The following IMPACT variants were observed in gnomAD, a reference collection of about 807,000 sequenced individuals.
IMPACT encodes the protein protein IMPACT.
A neutral mutation model predicts 47.5 loss-of-function variants in IMPACT; 35 were observed. The ratio of observed to expected loss-of-function variants is 0.74; its 90% confidence interval spans 0.56 to 0.98. The LOEUF (loss-of-function observed/expected upper bound fraction) is 0.98. Ranked by LOEUF, IMPACT falls within the 50% of genes least tolerant of loss-of-function variation. The pLI is 0.00. For missense variants in IMPACT, 373 were observed against 394.8 expected, an observed-to-expected ratio of 0.94 and a Z score of 0.47; for synonymous variants, 118 against 125.6, an observed-to-expected ratio of 0.94 and a Z score of 0.40.
At chr18:24,429,068 T>A in intron 3 of IMPACT, 147 bp downstream of exon 3, 1 of 515,372 alleles carries the variant, frequency 1.9e-6, no homozygotes, top group Non-Finnish European at 3.4e-6. Context: ...TATAGAGCAT[T>A]TAAATAAAAA....
At chr18:24,444,406 T>G (rs1322543354) in intron 7 of IMPACT, among the ~76,000 whole-genome samples, 1 of 152,224 alleles carries the variant, frequency 6.6e-6, no homozygotes, top group African/African-American at 2.4e-5. Flanking sequence ...TCCCCAACTC[T>G]AGCTCAGTCT....
intron 5 of IMPACT, among the ~76,000 whole-genome samples, chr18:24,440,019 C>T (rs1339244023): frequency 6.6e-6 from 1 of 152,068 alleles, no homozygotes; most frequent in Non-Finnish European, 1.5e-5. Flanking sequence ...TGGTGTTTGC[C>T]TGATGATGAT....
chr18:24,442,444 C>T (rs1428501476), intron 6 of IMPACT, among the ~76,000 whole-genome samples: 1 of 152,136 alleles, frequency 6.6e-6, no homozygotes, highest in African/African-American at 2.4e-5. Context: ...TGAGCCACCA[C>T]GCCCAGCCAT....
At chr18:24,441,076 C>G (rs679972) in intron 6 of IMPACT, among the ~76,000 whole-genome samples, 13 of 152,082 alleles carry the variant, frequency 8.5e-5, no homozygotes, top group African/African-American at 2.9e-4. Context: ...GACAAGGTCT[C>G]GCTGTGTTGC....
intron 7 of IMPACT, among the ~76,000 whole-genome samples, chr18:24,443,597 AAAG>A (rs1313521487): frequency 6.6e-6 from 1 of 152,206 alleles, no homozygotes; most frequent in African/African-American, 2.4e-5. Context: ...ACCTTGTCAA[AAAG>A]AATTATTTGT....
chr18:24,430,787 A>T (rs1908734833), intron 4 of IMPACT, among the ~76,000 whole-genome samples: 1 of 152,254 alleles, frequency 6.6e-6, no homozygotes. Context: ...AATGAAAAAA[A>T]CAAAAACACT....
At position 24,453,195 on chromosome 18, in the gene IMPACT, A is replaced by G. The variant is rs1829117201; in HGVS notation, c.*2348A>G. On this transcript the variant is annotated 3_prime_UTR_variant, in exon 11 of 11. Coordinates refer to ENST00000284202, the MANE Select transcript of IMPACT (RefSeq NM_018439.4). The stretch of plus-strand genomic sequence containing the variant: ...ATCAAAAGTATGCTTTGAGGTATAT[A>G]TAGTGAAACAGAGCCTTTCTGAAGA... 2.0e-5 allele frequency: 3 copies of G among 152,374 alleles called. 1 individual carries two copies. Among genetic ancestry groups the G allele is most frequent in the South Asian group, 4.1e-4 (2 of 4,832 alleles). 9.4% of individuals were successfully genotyped at this position (152,374 alleles called of 1,614,324 possible).
chr18:24,440,336 T>C (rs1449917811), intron 5 of IMPACT, among the ~76,000 whole-genome samples, 160 bp from the exon 6 acceptor site: 1 of 152,226 alleles, frequency 6.6e-6, no homozygotes, highest in African/African-American at 2.4e-5. Flanking sequence ...TCTTGTAGTT[T>C]CCTTGCTCCA....
chr18:24,430,286 T>C, intron 3 of IMPACT, 36 bp from the exon 4 acceptor site: 1 of 1,453,332 alleles, frequency 6.9e-7, no homozygotes. Flanking sequence ...AACATAATCC[T>C]TGAATAATCT....
At chr18:24,431,807 T>G (rs1399614391) in intron 4 of IMPACT, among the ~76,000 whole-genome samples, 1 of 152,114 alleles carries the variant, frequency 6.6e-6, no homozygotes, top group East Asian at 1.9e-4. Context: ...GTTCAAGCAG[T>G]TCTCCAGCCT....
intron 3 of IMPACT, among the ~76,000 whole-genome samples, chr18:24,429,243 G>C (rs1007407294): frequency 2.6e-5 from 4 of 152,080 alleles, no homozygotes; most frequent in South Asian, 4.1e-4. Flanking sequence ...TCCTAACCTA[G>C]ATCTCCTGAC....
At chr18:24,434,782 T>C (rs1191495785) in intron 4 of IMPACT, among the ~76,000 whole-genome samples, 1 of 107,804 alleles carries the variant, frequency 9.3e-6, no homozygotes, top group Non-Finnish European at 2.1e-5. Flanking sequence ...AAAAAATATA[T>C]ATATATATAT....
At position 24,451,076 on chromosome 18, in the gene IMPACT, A is replaced by T; in HGVS notation, c.*229A>T. On this transcript the variant is annotated 3_prime_UTR_variant, in exon 11 of 11. Coordinates refer to ENST00000284202, the MANE Select transcript of IMPACT (RefSeq NM_018439.4). The stretch of plus-strand genomic sequence containing the variant: ...ATTTGGGAGAACTAATTTGAACTTA[A>T]TCACCACTTCATCTAATTTTAGCAA... 1 of 339,890 alleles carries T rather than the reference A, an allele frequency of 2.9e-6. No homozygotes were observed. Among genetic ancestry groups the T allele is most frequent in the Non-Finnish European group, 5.4e-6 (1 of 185,012 alleles). The allele number at this position is 339,890 out of a possible 1,614,324, so 21.1% of individuals were successfully genotyped here. A position where few individuals can be genotyped will look rare whatever the true frequency, so the allele number is the denominator to read the frequency against.
At position 24,450,845 on chromosome 18, in the gene IMPACT, T is replaced by C; in HGVS notation, c.961T>C (p.Ter321GlnextTer5). 1 of 1,572,348 alleles carries C rather than the reference T, an allele frequency of 6.4e-7. No homozygotes were observed. ...VRKDKKRNEH[*>Q] ...AAAAGACAAGAAGAGGAATGAACAT[T>C]AATACCTGAAACTATAGGAAAGGTT... Residue 321 changes from the stop codon to glutamine, a stop_lost, in exon 11 of 11, where the codon TAA (stop) becomes CAA (glutamine). Coordinates refer to ENST00000284202, the MANE Select transcript of IMPACT (RefSeq NM_018439.4).
intron 2 of IMPACT, among the ~76,000 whole-genome samples, chr18:24,428,358 A>G (rs1426431385): frequency 6.6e-6 from 1 of 152,256 alleles, no homozygotes; most frequent in Non-Finnish European, 1.5e-5. Context: ...AAGATGGCTA[A>G]CATTTAAAAG....
Position 24,452,077 on chromosome 18 carries a change from G to C in IMPACT, c.*1230G>C, listed in dbSNP as rs1909401162. On this transcript the variant is annotated 3_prime_UTR_variant, in exon 11 of 11. Coordinates refer to ENST00000284202, the MANE Select transcript of IMPACT (RefSeq NM_018439.4). Reference sequence around the variant, plus strand: ...GATTTGCCTGGACTTCCCTTCCCAGGGAGGGAACAGAAGTTAGGAGGCAAC... The same window carrying C: ...GATTTGCCTGGACTTCCCTTCCCAGCGAGGGAACAGAAGTTAGGAGGCAAC... 1 of 152,180 alleles carries C rather than the reference G, an allele frequency of 6.6e-6. No individual in the cohort carries two copies. The highest frequency in any genetic ancestry group is 1.5e-5 in the Non-Finnish European group (1 of 68,038). 9.4% of individuals were successfully genotyped at this position (152,180 alleles called of 1,614,324 possible).
At chr18:24,434,777 AT>A (rs200666020) in intron 4 of IMPACT, among the ~76,000 whole-genome samples, 13,139 of 97,390 alleles carry the variant, frequency 0.13, 2,120 homozygotes, top group East Asian at 0.38. Context: ...AAAAAAAAAA[AT>A]ATATATATAT....
At position 24,439,238 on chromosome 18, in the gene IMPACT, A is replaced by G. The variant is rs116752081; in HGVS notation, c.367+1198A>G. On this transcript the variant is annotated intron_variant, in intron 5 of 10. Transcript: ENST00000284202. Reference sequence around the variant, plus strand: ...TCTAAAATAGTGTTTAACCAAATATATGGGTATTGAGGCTGGGCACAGTGG... The same window carrying G: ...TCTAAAATAGTGTTTAACCAAATATGTGGGTATTGAGGCTGGGCACAGTGG... 4.1e-3 allele frequency among the ~76,000 whole-genome samples: 626 copies of G among 152,278 alleles called. 4 individuals carry two copies. Among genetic ancestry groups the G allele is most frequent in the African/African-American group, 0.014 (585 of 41,572 alleles).
rs540342140 is a variant in IMPACT at position 24,450,532 on chromosome 18, A to G, written c.895-247A>G. Among the ~76,000 whole-genome samples the G allele has an allele frequency of 2.0e-5, 3 of 152,348 alleles. No homozygotes were observed. The East Asian group carries it at 5.8e-4, about 29-fold the overall frequency. ...TTATTCAAACATAAATCCACTAGAT[A>G]AATAAGGTTTCCTTGATTATTCTTG... On this transcript the variant is annotated intron_variant, in intron 10 of 10. Transcript: ENST00000284202.
Sources: allele counts gnomAD v4.1 joint callset (sites outside exome capture counted in the v4.1 genomes callset), GRCh38; gene constraint gnomAD v4.1.1; transcripts MANE v1.5; gene names NCBI Gene and HGNC (gene_info 2026-07-23, HGNC 2026-07-21).